TOPAZ1: variants seen among roughly 807,000 people sequenced by gnomAD.
TOPAZ1 encodes testis and ovary specific TOPAZ 1, also known as protein TOPAZ1.
TOPAZ1 carries 66 observed loss-of-function variants against 172.2 expected under a neutral mutation model. The observed-to-expected ratio is 0.38, with a 90% CI of 0.31 to 0.47. TOPAZ1 has a LOEUF of 0.47. Among genes scored for constraint, TOPAZ1 ranks in the 20% least tolerant of loss-of-function variants. The probability of loss-of-function intolerance (pLI) is 0.99; values close to 1 mark genes in which losing one functional copy is unlikely to be tolerated. For synonymous variants in TOPAZ1, 681 were observed against 683.9 expected (o/e 1.00, Z 0.07); for missense variants, 1,822 against 1,972.4 (o/e 0.92, Z 1.44).
At chr3:44,292,070 T>C (rs1028811141) in intron 12 of TOPAZ1, among the ~76,000 whole-genome samples, 2 of 152,218 alleles carry the variant, frequency 1.3e-5, no homozygotes, top group African/African-American at 2.4e-5. Flanking sequence ...TATGGTGTCC[T>C]GGGGAGTTTG....
intron 2 of TOPAZ1, among the ~76,000 whole-genome samples, chr3:44,245,792 G>C (rs1375798893): frequency 1.3e-5 from 2 of 152,126 alleles, no homozygotes; most frequent in Non-Finnish European, 2.9e-5. Context: ...ACCCGCCTCA[G>C]CCTCCCAAAG....
intron 4 of TOPAZ1, among the ~76,000 whole-genome samples, chr3:44,259,519 C>G (rs1169912200): frequency 6.6e-6 from 1 of 152,172 alleles, no homozygotes; most frequent in Non-Finnish European, 1.5e-5. Context: ...TATAATCTAA[C>G]AAGTCCCACT....
chr3:44,249,537 T>C (rs766355274), intron 2 of TOPAZ1, among the ~76,000 whole-genome samples: 2 of 152,192 alleles, frequency 1.3e-5, no homozygotes, highest in Non-Finnish European at 2.9e-5. Context: ...GAATCCCTTA[T>C]GCATTCCCAT....
At chr3:44,271,853 T>C (rs1304510959) in intron 8 of TOPAZ1, among the ~76,000 whole-genome samples, 1 of 152,148 alleles carries the variant, frequency 6.6e-6, no homozygotes, top group African/African-American at 2.4e-5. Context: ...AAAAAAACTT[T>C]TTCTTCCTGT....
intron 2 of TOPAZ1, among the ~76,000 whole-genome samples, chr3:44,248,621 TGA>T (rs755951018): frequency 2.0e-5 from 3 of 152,220 alleles, no homozygotes; most frequent in Non-Finnish European, 4.4e-5. Context: ...TAGAACTAAA[TGA>T]AGCTTAAAAT....
At chr3:44,311,443 A>T (rs1240387173) in intron 16 of TOPAZ1, among the ~76,000 whole-genome samples, 1 of 152,176 alleles carries the variant, frequency 6.6e-6, no homozygotes, top group East Asian at 1.9e-4. Flanking sequence ...TACGATAGGA[A>T]CCTCCTGTCT....
chr3:44,287,672 A>T, intron 10 of TOPAZ1, 75 bp from the exon 11 acceptor site: 1 of 1,075,252 alleles, frequency 9.3e-7, no homozygotes, highest in Non-Finnish European at 1.3e-6. Context: ...GTTTTTCAAC[A>T]TAAATGAATT....
At chr3:44,257,349 AGG>A (rs201484200) in intron 4 of TOPAZ1, among the ~76,000 whole-genome samples, 16 of 93,634 alleles carry the variant, frequency 1.7e-4, no homozygotes, top group African/African-American at 6.6e-4. Flanking sequence ...AAGAAAACAT[AGG>A]GGTGTGTGTG....
chr3:44,247,975 G>A (rs768372321), intron 2 of TOPAZ1, among the ~76,000 whole-genome samples: 6 of 152,108 alleles, frequency 3.9e-5, no homozygotes, highest in East Asian at 3.9e-4. Flanking sequence ...TTGATTCATC[G>A]CTTAGTTGGC....
chr3:44,298,907 ATATTTTTTTTT>A, intron 12 of TOPAZ1, among the ~76,000 whole-genome samples: 1 of 13,530 alleles, frequency 7.4e-5, no homozygotes, highest in African/African-American at 4.1e-4. Flanking sequence ...ATATATATAT[ATATTTTTTTTT>A]TTTTTTTTTT....
At chr3:44,265,679 A>G (rs942742931) in intron 5 of TOPAZ1, among the ~76,000 whole-genome samples, 2 of 152,374 alleles carry the variant, frequency 1.3e-5, no homozygotes, top group Middle Eastern at 3.4e-3. Flanking sequence ...TTTGAGCAAT[A>G]GCTCTCAACA....
chr3:44,319,656 A>G (rs1700488405), intron 16 of TOPAZ1, among the ~76,000 whole-genome samples: 3 of 152,212 alleles, frequency 2.0e-5, no homozygotes, highest in Non-Finnish European at 4.4e-5. Context: ...CAAATGTAGA[A>G]GCAAATTAAT....
Position 44,262,429 on chromosome 3 carries a change from C to A in TOPAZ1, c.2966C>A (p.Thr989Lys). 6.7e-7 allele frequency: 1 copy of A among 1,485,724 alleles called. No individual in the cohort carries two copies. 92.0% of individuals were successfully genotyped at this position (1,485,724 alleles called of 1,614,324 possible). A position where few individuals can be genotyped will look rare whatever the true frequency, so the allele number is the denominator to read the frequency against. Residue 989 changes from threonine to lysine, a missense_variant, in exon 5 of 20, where the codon ACA becomes AAA. Coordinates refer to ENST00000309765, the MANE Select transcript of TOPAZ1 (RefSeq NM_001145030.2). Reference protein sequence around the residue: ...GSDLDEKHRFTDKVITKEEKE... With the variant: ...GSDLDEKHRFKDKVITKEEKE... ...ATAATCTCTTCACAGCATAGATTTACAGACAAAGTGATTACCAAAGAAGAA... is the reference window on the plus strand; with the variant it reads ...ATAATCTCTTCACAGCATAGATTTAAAGACAAAGTGATTACCAAAGAAGAA...
chr3:44,304,199 G>A (rs1351013435), intron 13 of TOPAZ1, 118 bp downstream of exon 13: 1 of 539,802 alleles, frequency 1.9e-6, no homozygotes, highest in African/African-American at 1.9e-5. Flanking sequence ...CTGTTATACA[G>A]AGAAAATGCT....
chr3:44,277,750 C>T lies in TOPAZ1; in HGVS notation c.3373-4218C>T, dbSNP rs567601314. ...CTTTTTTCACTATAGTGAGTGAGTT[C>T]TCATGAGATCTGGTCATATAAAAGT... On this transcript the variant is annotated intron_variant, in intron 8 of 19. Transcript: ENST00000309765. Among the ~76,000 whole-genome samples the T allele has an allele frequency of 2.0e-5, 3 of 152,226 alleles. No homozygotes were observed. In the East Asian group the frequency reaches 5.8e-4, roughly 29 times the overall value.
intron 8 of TOPAZ1, among the ~76,000 whole-genome samples, chr3:44,278,822 GTC>G (rs1699992405): frequency 1.6e-5 from 2 of 121,444 alleles, no homozygotes; most frequent in East Asian, 4.8e-4. Flanking sequence ...TTTTTTTTTT[GTC>G]TCTATTTTTT....
chr3:44,298,905 ATATATTTTT>A (rs1335992853), intron 12 of TOPAZ1, among the ~76,000 whole-genome samples: 6 of 12,694 alleles, frequency 4.7e-4, no homozygotes, highest in African/African-American at 2.1e-3. Flanking sequence ...ATATATATAT[ATATATTTTT>A]TTTTTTTTTT....
intron 16 of TOPAZ1, among the ~76,000 whole-genome samples, chr3:44,318,263 C>G (rs1700472241): frequency 6.6e-6 from 1 of 152,048 alleles, no homozygotes; most frequent in Admixed American, 6.6e-5. Context: ...ACCATCCTGG[C>G]CAACGTGGTG....
At chr3:44,326,017 T>C (rs1292696194) in intron 18 of TOPAZ1, among the ~76,000 whole-genome samples, 1 of 152,232 alleles carries the variant, frequency 6.6e-6, no homozygotes, top group Non-Finnish European at 1.5e-5. Flanking sequence ...TTTGTTCCTT[T>C]TTATTGCTAA....
Sources: allele counts gnomAD v4.1 joint callset (sites outside exome capture counted in the v4.1 genomes callset), GRCh38; gene constraint gnomAD v4.1.1; transcripts MANE v1.5; gene names NCBI Gene and HGNC (gene_info 2026-07-23, HGNC 2026-07-21).